The following CLDN16 variants were observed in gnomAD, a reference collection of about 807,000 sequenced individuals.
CLDN16 encodes claudin 16.
Under a neutral mutation model 24.6 loss-of-function variants are expected in CLDN16, and 13 were observed. That is an observed-to-expected ratio of 0.53 (90% confidence interval 0.34 to 0.84). The LOEUF (loss-of-function observed/expected upper bound fraction) is 0.84, where lower values mean the gene tolerates loss of function less well. Among genes scored for constraint, CLDN16 ranks in the 40% least tolerant of loss-of-function variants. CLDN16 has a pLI of 0.01. For synonymous variants in CLDN16, 116 were observed against 106.7 expected (o/e 1.09, Z -0.54); for missense variants, 298 against 292.7 (o/e 1.02, Z -0.13).
At chr3:190,301,493 C>CA in the CLDN16 span, among the ~76,000 whole-genome samples, 62,203 of 143,608 alleles carry the variant, frequency 0.43, 13,279 homozygotes, top group East Asian at 0.62. Context: ...GACTCTGTCT[C>CA]AAAAAAAAAG....
chr3:190,357,358 T>C (rs1369447424), intron 1 of CLDN16, among the ~76,000 whole-genome samples: 2 of 151,984 alleles, frequency 1.3e-5, no homozygotes, highest in Non-Finnish European at 2.9e-5. Flanking sequence ...TTTTCTCATA[T>C]TCACTGTGTC....
intron 1 of CLDN16, among the ~76,000 whole-genome samples, chr3:190,393,176 A>G (rs906811713): frequency 6.6e-6 from 1 of 152,198 alleles, no homozygotes; most frequent in African/African-American, 2.4e-5. Flanking sequence ...GATCTGGGGC[A>G]ATTGGAGGGG....
rs186620141 is a variant in CLDN16, at chr3:190,392,466, A to T, written c.114+4023A>T. Among the ~76,000 whole-genome samples, 319 of 152,234 alleles carry T rather than the reference A, an allele frequency of 2.1e-3. 1 individual carries two copies. The highest frequency in any genetic ancestry group is 4.1e-3 in the Non-Finnish European group (276 of 68,032). On this transcript the variant is annotated intron_variant, in intron 1 of 4. Transcript: ENST00000264734. ...CTGTATACTTGGCACCATGGTGGGTACATGGTTATGAAGTAGGATGAGACC... is the reference window on the plus strand; with the variant it reads ...CTGTATACTTGGCACCATGGTGGGTTCATGGTTATGAAGTAGGATGAGACC...
intron 1 of CLDN16, among the ~76,000 whole-genome samples, chr3:190,336,588 A>G (rs1012947757): frequency 6.6e-6 from 1 of 152,226 alleles, no homozygotes; most frequent in African/African-American, 2.4e-5. Flanking sequence ...TTCAGGCCAT[A>G]TAGCACAAGC....
the CLDN16 span, among the ~76,000 whole-genome samples, chr3:190,303,908 A>G: frequency 6.6e-6 from 1 of 152,076 alleles, no homozygotes; most frequent in Non-Finnish European, 1.5e-5. Flanking sequence ...AAAAAGCCCC[A>G]ATCCTGAACC....
chr3:190,315,726 A>T, the CLDN16 span, among the ~76,000 whole-genome samples: 1 of 152,100 alleles, frequency 6.6e-6, no homozygotes, highest in Non-Finnish European at 1.5e-5. Context: ...TGGGGCCCCA[A>T]ACTGGACCAG....
intron 1 of CLDN16, among the ~76,000 whole-genome samples, chr3:190,400,162 CA>C (rs1718927544): frequency 6.6e-6 from 1 of 152,094 alleles, no homozygotes; most frequent in African/African-American, 2.4e-5. Context: ...TATCTCTTAA[CA>C]AATCTCTCCT....
the CLDN16 span, among the ~76,000 whole-genome samples, chr3:190,314,486 T>C: frequency 6.6e-6 from 1 of 151,982 alleles, no homozygotes; most frequent in Non-Finnish European, 1.5e-5. Flanking sequence ...CCTCTGCCTC[T>C]GGGGCTCAAG....
At chr3:190,339,010 T>C (rs912190141) in intron 1 of CLDN16, among the ~76,000 whole-genome samples, 22 of 152,186 alleles carry the variant, frequency 1.4e-4, no homozygotes, top group Non-Finnish European at 2.9e-4. Context: ...TACACTGTTC[T>C]CTCTCCAAAG....
intron 3 of CLDN16, among the ~76,000 whole-genome samples, chr3:190,377,999 T>C (rs1283247996): frequency 1.3e-5 from 2 of 151,992 alleles, no homozygotes; most frequent in Non-Finnish European, 2.9e-5. Context: ...CTATATTGCA[T>C]AGTGTTATTT....
At chr3:190,403,823 C>T (rs893399488) in intron 2 of CLDN16, among the ~76,000 whole-genome samples, 9 of 151,916 alleles carry the variant, frequency 5.9e-5, no homozygotes, top group African/African-American at 2.2e-4. Flanking sequence ...GTTCTACCTA[C>T]AAAGAAACAC....
At chr3:190,408,770 TTATACATA>T (rs563361886) in intron 4 of CLDN16, among the ~76,000 whole-genome samples, 94 of 149,394 alleles carry the variant, frequency 6.3e-4, no homozygotes, top group African/African-American at 1.8e-3. Flanking sequence ...TGTATTACAA[TTATACATA>T]TATACATATA....
At chr3:190,300,136 C>G in the CLDN16 span, among the ~76,000 whole-genome samples, 1 of 152,156 alleles carries the variant, frequency 6.6e-6, no homozygotes, top group African/African-American at 2.4e-5. Flanking sequence ...AAGTAAGAAT[C>G]TTCCACGGAG....
At chr3:190,332,292 A>G (rs909548859) in intron 1 of CLDN16, among the ~76,000 whole-genome samples, 1 of 152,192 alleles carries the variant, frequency 6.6e-6, no homozygotes, top group Non-Finnish European at 1.5e-5. Flanking sequence ...ATATTTCTGA[A>G]TTTAACAAAA....
In CLDN16 at chr3:190,372,921, A is replaced by G. The variant is rs375556260; in HGVS notation, n.231-1607A>G. 6.6e-5 allele frequency among the ~76,000 whole-genome samples: 10 copies of G among 151,900 alleles called. No homozygotes were observed. The East Asian group carries it at 2.0e-3, about 30-fold the overall frequency. On this transcript the variant is annotated intron_variant and non_coding_transcript_variant, in intron 2 of 4. Coordinates refer to the CLDN16 transcript ENST00000468220. ...TTCCTGTTTCCTGACTATTGACCCC[A>G]GCCATTTAACCCCTCATCTTTTTCT...
chr3:190,375,433 T>C (rs552264324), intron 3 of CLDN16, among the ~76,000 whole-genome samples: 21 of 152,024 alleles, frequency 1.4e-4, no homozygotes, highest in African/African-American at 4.8e-4. Flanking sequence ...AAAGATCACA[T>C]GCTGGAATTA....
chr3:190,369,417 G>C (rs550071442), intron 1 of CLDN16, among the ~76,000 whole-genome samples: 1 of 152,038 alleles, frequency 6.6e-6, no homozygotes, highest in East Asian at 1.9e-4. Context: ...CTGCTCATAA[G>C]AGAACATGCA....
At chr3:190,400,530 C>A (rs552457705) in intron 1 of CLDN16, among the ~76,000 whole-genome samples, 1 of 152,146 alleles carries the variant, frequency 6.6e-6, no homozygotes, top group South Asian at 2.1e-4. Flanking sequence ...CGTGCCCGAC[C>A]GAGATCAACT....
At chr3:190,403,346 A>G (rs1452104209) in intron 2 of CLDN16, among the ~76,000 whole-genome samples, 1 of 152,144 alleles carries the variant, frequency 6.6e-6, no homozygotes, top group Non-Finnish European at 1.5e-5. Context: ...ATAAAATAAT[A>G]AATAAATAAA....
Sources: allele counts gnomAD v4.1 joint callset (sites outside exome capture counted in the v4.1 genomes callset), GRCh38; gene constraint gnomAD v4.1.1; transcripts MANE v1.5; gene names NCBI Gene and HGNC (gene_info 2026-07-23, HGNC 2026-07-21).